Variants in TBL1XR1 observed in about 807,000 individuals in gnomAD.
The protein encoded by TBL1XR1 is F-box-like/WD repeat-containing protein TBL1XR1.
In TBL1XR1, 5 loss-of-function variants were observed where a neutral mutation model predicts 66.9. That is an observed-to-expected ratio of 0.07 (90% confidence interval 0.04 to 0.16). The LOEUF (loss-of-function observed/expected upper bound fraction) is 0.16. Ranked by LOEUF, TBL1XR1 falls within the 10% of genes least tolerant of loss-of-function variation. TBL1XR1 has a pLI of 1.00. For synonymous variants in TBL1XR1, 210 were observed against 206.0 expected, an observed-to-expected ratio of 1.02 and a Z score of -0.17; for missense variants, 238 against 623.2, an observed-to-expected ratio of 0.38 and a Z score of 6.58.
At chr3:177,119,832 C>A (rs1212901676) in intron 1 of TBL1XR1, among the ~76,000 whole-genome samples, 4 of 152,170 alleles carry the variant, frequency 2.6e-5, no homozygotes, top group Admixed American at 2.6e-4. Context: ...TCTATACCAA[C>A]CTCACCCATT....
intron 10 of TBL1XR1, among the ~76,000 whole-genome samples, chr3:177,043,693 T>C (rs1030890105): frequency 3.9e-5 from 6 of 152,172 alleles, no homozygotes; most frequent in Non-Finnish European, 8.8e-5. Flanking sequence ...TTACACTTAT[T>C]TTGCTTTGTC....
chr3:177,200,625 C>T (rs192767821), upstream of TBL1XR1, among the ~76,000 whole-genome samples: 6 of 152,318 alleles, frequency 3.9e-5, no homozygotes, highest in East Asian at 1.2e-3. Flanking sequence ...TAATCTAACA[C>T]TCCCATTACA....
chr3:177,161,230 C>T (rs1410537913), intron 1 of TBL1XR1, among the ~76,000 whole-genome samples: 1 of 151,984 alleles, frequency 6.6e-6, no homozygotes, highest in Non-Finnish European at 1.5e-5. Context: ...CTTAGATAAC[C>T]CCTGTGCCAG....
At chr3:177,050,184 GTA>G in intron 6 of TBL1XR1, 46 bp from the exon 7 acceptor site, 4 of 1,588,656 alleles carry the variant, frequency 2.5e-6, no homozygotes, top group Non-Finnish European at 3.4e-6. Context: ...ACATTCTCAC[GTA>G]TCAGAACAAG....
chr3:177,049,883 C>A, intron 7 of TBL1XR1, 114 bp downstream of exon 7: 1 of 742,814 alleles, frequency 1.3e-6, no homozygotes, highest in Non-Finnish European at 1.8e-6. Context: ...TTTGTTGTTA[C>A]TAGTTAATAA....
rs182925285 is a variant in TBL1XR1, at chr3:177,039,614, G to A, written c.926-1180C>T. Among the ~76,000 whole-genome samples the A allele has an allele frequency of 3.0e-4, 46 of 152,264 alleles. 1 individual carries two copies. Among genetic ancestry groups the A allele is most frequent in the Admixed American group, 2.5e-3 (39 of 15,296 alleles). ...AAATTATTGAACATCCTTGTCTCCT[G>A]CTGCAAGGTGCAAAAGATCTCCGTA... On this transcript the variant is annotated intron_variant, in intron 10 of 15. Transcript: ENST00000457928.
At chr3:177,201,284 G>A (rs988086122), upstream of TBL1XR1, among the ~76,000 whole-genome samples, 1 of 151,864 alleles carries the variant, frequency 6.6e-6, no homozygotes, top group Non-Finnish European at 1.5e-5. Context: ...GGTGGCACAT[G>A]CCTGTAATCC....
At chr3:177,139,935 A>G (rs1729447346) in intron 1 of TBL1XR1, among the ~76,000 whole-genome samples, 1 of 152,212 alleles carries the variant, frequency 6.6e-6, no homozygotes. Flanking sequence ...GATCACCTTA[A>G]CACTCATCTT....
intron 2 of TBL1XR1, among the ~76,000 whole-genome samples, chr3:177,089,757 T>C (rs745754551): frequency 3.3e-5 from 5 of 152,194 alleles, no homozygotes; most frequent in African/African-American, 7.2e-5. Flanking sequence ...GCTCAGGGGA[T>C]TGATCGACAC....
chr3:177,095,697 C>A (rs1723391582), intron 2 of TBL1XR1, among the ~76,000 whole-genome samples: 1 of 152,048 alleles, frequency 6.6e-6, no homozygotes, highest in Non-Finnish European at 1.5e-5. Context: ...CCAGGCTGGT[C>A]TCGAATTCCT....
intron 3 of TBL1XR1, among the ~76,000 whole-genome samples, chr3:177,063,864 T>G (rs958091687): frequency 1.3e-5 from 2 of 152,210 alleles, no homozygotes; most frequent in African/African-American, 4.8e-5. Context: ...GTGATGGTGC[T>G]TGGGAATAGA....
At chr3:177,163,228 C>T (rs1577353441) in intron 1 of TBL1XR1, among the ~76,000 whole-genome samples, 1 of 151,994 alleles carries the variant, frequency 6.6e-6, no homozygotes, top group Non-Finnish European at 1.5e-5. Flanking sequence ...AAAAAGAGGC[C>T]GGGCGTGGTG....
chr3:177,040,215 T>C (rs1336299470), intron 10 of TBL1XR1, among the ~76,000 whole-genome samples: 2 of 152,158 alleles, frequency 1.3e-5, no homozygotes, highest in Non-Finnish European at 2.9e-5. Flanking sequence ...CTTGGAAGGC[T>C]GAGGCAGGAG....
chr3:177,193,711 C>T (rs1736457984), intron 1 of TBL1XR1, among the ~76,000 whole-genome samples: 1 of 152,120 alleles, frequency 6.6e-6, no homozygotes. Context: ...AGTACAGACG[C>T]TCAACTATAG....
intron 1 of TBL1XR1, among the ~76,000 whole-genome samples, chr3:177,172,915 G>A (rs772266135): frequency 1.3e-5 from 2 of 151,752 alleles, no homozygotes; most frequent in Non-Finnish European, 2.9e-5. Context: ...GCTCATGCCT[G>A]TAATCCCAGC....
At chr3:177,197,712 G>T (rs866956352), upstream of TBL1XR1, among the ~76,000 whole-genome samples, 31 of 145,444 alleles carry the variant, frequency 2.1e-4, no homozygotes, top group Admixed American at 6.8e-5. Context: ...CGGCGCGGCG[G>T]GGGGGCTCCA....
intron 1 of TBL1XR1, among the ~76,000 whole-genome samples, chr3:177,106,387 C>T (rs1004751692): frequency 6.6e-6 from 1 of 152,168 alleles, no homozygotes; most frequent in Non-Finnish European, 1.5e-5. Context: ...TCTACGTGCG[C>T]CCCATCCCTT....
chr3:177,077,254 G>A (rs1577093190), intron 2 of TBL1XR1, among the ~76,000 whole-genome samples: 1 of 152,118 alleles, frequency 6.6e-6, no homozygotes. Flanking sequence ...GCTTTTGGTA[G>A]TCTTATAATA....
intron 1 of TBL1XR1, among the ~76,000 whole-genome samples, chr3:177,176,678 G>C (rs1013352427): frequency 1.3e-5 from 2 of 151,962 alleles, no homozygotes; most frequent in African/African-American, 4.8e-5. Context: ...AGCCAGGCGT[G>C]ATGGCGCATG....
Sources: gnomAD v4.1 joint callset for allele counts (sites outside exome capture counted in the v4.1 genomes callset) on GRCh38, gnomAD v4.1.1 for gene constraint, MANE v1.5 for transcripts, NCBI Gene and HGNC (gene_info 2026-07-23, HGNC 2026-07-21) for gene names.